Variants in PPIP5K2 observed in about 807,000 individuals in gnomAD.
PPIP5K2 encodes diphosphoinositol pentakisphosphate kinase 2, also known as inositol hexakisphosphate and diphosphoinositol-pentakisphosphate kinase 2.
Under a neutral mutation model 154.6 loss-of-function variants are expected in PPIP5K2, and 105 were observed. The observed-to-expected ratio is 0.68, with a 90% CI of 0.58 to 0.80. The LOEUF (loss-of-function observed/expected upper bound fraction) is 0.80. PPIP5K2 is among the 30% of genes least tolerant of loss of function. PPIP5K2 has a pLI of 0.00. For missense variants in PPIP5K2, 992 were observed against 1,504.6 expected (o/e 0.66, Z 5.64); for synonymous variants, 480 against 490.3 (o/e 0.98, Z 0.28).
At chr5:103,161,804 G>GT (rs1227490823) in intron 17 of PPIP5K2, among the ~76,000 whole-genome samples, 3 of 151,650 alleles carry the variant, frequency 2.0e-5, no homozygotes, top group Non-Finnish European at 4.4e-5. Context: ...GGGGTTGTTT[G>GT]TTTTTTTCTT....
At chr5:103,192,903 G>A (rs1801461420) in intron 29 of PPIP5K2, among the ~76,000 whole-genome samples, 1 of 152,074 alleles carries the variant, frequency 6.6e-6, no homozygotes, top group Non-Finnish European at 1.5e-5. Context: ...ACTTAATGTG[G>A]CTCATAGAAT....
At position 103,184,666 on chromosome 5, in the gene PPIP5K2, A is replaced by G. The variant is rs1006632646; in HGVS notation, c.3097-6A>G. The stretch of plus-strand genomic sequence containing the variant: ...TTACTTCATTTATTTTGGATTCCTT[A>G]TGCAGGTTGTATCTGAAAATGCTAA... On this transcript the variant is annotated splice_polypyrimidine_tract_variant and splice_region_variant and intron_variant, in intron 25 of 30. Coordinates refer to ENST00000358359, the MANE Select transcript of PPIP5K2 (RefSeq NM_001276277.3). 3.1e-6 allele frequency: 5 copies of G among 1,606,958 alleles called. No homozygotes were observed. Among genetic ancestry groups the G allele is most frequent in the Non-Finnish European group, 4.3e-6 (5 of 1,174,012 alleles).
At chr5:103,172,190 C>T (rs1476496975) in intron 19 of PPIP5K2, among the ~76,000 whole-genome samples, 1 of 151,536 alleles carries the variant, frequency 6.6e-6, no homozygotes, top group Non-Finnish European at 1.5e-5. Flanking sequence ...CACATAAATA[C>T]ACAGTTGCAT....
intron 5 of PPIP5K2, among the ~76,000 whole-genome samples, chr5:103,139,652 AG>A (rs1554205747): frequency 6.6e-6 from 1 of 152,212 alleles, no homozygotes; most frequent in African/African-American, 2.4e-5. Context: ...AAGAACATCC[AG>A]AAAAATGTGA....
At chr5:103,186,692 T>C (rs1554225265) in intron 27 of PPIP5K2, among the ~76,000 whole-genome samples, 1 of 152,238 alleles carries the variant, frequency 6.6e-6, no homozygotes, top group Non-Finnish European at 1.5e-5. Context: ...GAGTATTATG[T>C]GTATTCTTCT....
intron 17 of PPIP5K2, among the ~76,000 whole-genome samples, chr5:103,165,318 C>T (rs760577405): frequency 7.2e-5 from 11 of 152,136 alleles, no homozygotes; most frequent in Admixed American, 1.3e-4. Flanking sequence ...TAAAAAAATT[C>T]GTGTATAACT....
Position 103,159,274 on chromosome 5 carries a change from G to A in PPIP5K2, c.1866G>A (p.Arg622=). 1.2e-6 allele frequency: 2 copies of A among 1,613,050 alleles called. No homozygotes were observed. The highest frequency in any genetic ancestry group is 2.2e-5 in the East Asian group (1 of 44,842). ...GTTGTCAGCAACGTGTGAAGGCAAG[G>A]CTTCATGAAATACTTCAGAAAGACA... is the stretch of plus-strand genomic sequence containing the variant. ...LSSCQQRVKA[R]LHEILQKDRD... Residue 622 remains arginine, a synonymous_variant, in exon 17 of 31, where the codon AGG becomes AGA. Transcript: ENST00000358359.
At chr5:103,142,775 CA>C (rs70990422) in intron 5 of PPIP5K2, among the ~76,000 whole-genome samples, 6 of 138,164 alleles carry the variant, frequency 4.3e-5, no homozygotes, top group Non-Finnish European at 3.1e-5. Flanking sequence ...GACTCCGTCT[CA>C]AAAAAAAAAA....
intron 29 of PPIP5K2, among the ~76,000 whole-genome samples, chr5:103,194,425 A>G (rs563595607): frequency 6.6e-6 from 1 of 152,300 alleles, no homozygotes; most frequent in East Asian, 1.9e-4. Flanking sequence ...AATTATAAGT[A>G]ATAAATAAGT....
chr5:103,195,953 C>G (rs1328515339), intron 30 of PPIP5K2, among the ~76,000 whole-genome samples: 1 of 152,152 alleles, frequency 6.6e-6, no homozygotes, highest in Non-Finnish European at 1.5e-5. Context: ...TACTTAACCT[C>G]TCTGATCCTT....
At chr5:103,135,520 C>T (rs1258522796) in intron 3 of PPIP5K2, among the ~76,000 whole-genome samples, 1 of 152,134 alleles carries the variant, frequency 6.6e-6, no homozygotes, top group Non-Finnish European at 1.5e-5. Context: ...TAACCTCAAA[C>T]TCTTGGGCTC....
intron 5 of PPIP5K2, among the ~76,000 whole-genome samples, chr5:103,139,387 A>G (rs1443936638): frequency 6.6e-6 from 1 of 152,208 alleles, no homozygotes; most frequent in Non-Finnish European, 1.5e-5. Context: ...GCACCTTCAT[A>G]AGAACCAAAA....
Position 103,168,114 on chromosome 5 carries a change from G to A in PPIP5K2, c.2105G>A (p.Arg702His), listed in dbSNP as rs373342040. The change falls in exon 19 of 31, where the codon CGT becomes CAT. Residue 702 changes from arginine to histidine, a missense_variant. Physicochemically the swap from Arg to His is conservative, Grantham distance 29 (BLOSUM62 0). This residue lies in a region of PPIP5K2 where 157 missense variants were observed against 281.2 expected (regional missense o/e 0.56). Coordinates refer to ENST00000358359, the MANE Select transcript of PPIP5K2 (RefSeq NM_001276277.3). ...AGTGAAACATTGGAGCTTATGCTAC[G>A]TAGATGGTCCAAGTTAGAGAAAGAC... ...YHSETLELML[R>H]RWSKLEKDFK... 3.8e-5 allele frequency: 61 copies of A among 1,609,960 alleles called. No homozygotes were observed. The highest frequency in any genetic ancestry group is 1.7e-4 in the Middle Eastern group (1 of 6,014).
At chr5:103,174,085 T>TAAGGATG in intron 21 of PPIP5K2, 113 bp downstream of exon 21, 1 of 798,462 alleles carries the variant, frequency 1.3e-6, no homozygotes. Flanking sequence ...TTTTACTACT[T>TAAGGATG]AATGTCGTCT....
At chr5:103,189,012 C>A in intron 28 of PPIP5K2, 1 of 526,142 alleles carries the variant, frequency 1.9e-6, no homozygotes. Context: ...TCATTTGACT[C>A]TTCCTTTTAC....
chr5:103,155,399 G>T, intron 13 of PPIP5K2, among the ~76,000 whole-genome samples: 1 of 78,844 alleles, frequency 1.3e-5, no homozygotes, highest in African/African-American at 4.1e-5. Context: ...TATCTCTTCA[G>T]AGTTGTCTTT....
chr5:103,155,487 G>A (rs1795285114), intron 13 of PPIP5K2, among the ~76,000 whole-genome samples: 1 of 119,404 alleles, frequency 8.4e-6, no homozygotes, highest in Non-Finnish European at 1.6e-5. Context: ...AGTCAGTGGT[G>A]TGATCTCAGC....
chr5:103,149,477 T>G (rs1192758290), intron 8 of PPIP5K2, among the ~76,000 whole-genome samples, 164 bp downstream of exon 8: 1 of 152,186 alleles, frequency 6.6e-6, no homozygotes, highest in African/African-American at 2.4e-5. Context: ...GGTGCCAATA[T>G]ATTCTTTTGT....
At chr5:103,185,253 T>C (rs1000489898) in intron 26 of PPIP5K2, among the ~76,000 whole-genome samples, 1 of 152,172 alleles carries the variant, frequency 6.6e-6, no homozygotes, top group African/African-American at 2.4e-5. Context: ...ACATAATTGG[T>C]TCTTTGCTAA....
Sources: allele counts gnomAD v4.1 joint callset (sites outside exome capture counted in the v4.1 genomes callset), GRCh38; gene constraint gnomAD v4.1.1; regional missense constraint gnomAD v4.1.1; transcripts MANE v1.5; gene names NCBI Gene and HGNC (gene_info 2026-07-23, HGNC 2026-07-21).